The following NALCN variants were observed in gnomAD, a reference collection of about 807,000 sequenced individuals.
The protein encoded by NALCN is sodium leak channel, non-selective.
A neutral mutation model predicts 225.3 loss-of-function variants in NALCN; 111 were observed. The ratio of observed to expected loss-of-function variants is 0.49; its 90% CI spans 0.42 to 0.58. The LOEUF (loss-of-function observed/expected upper bound fraction) is 0.58. Ranked by LOEUF, NALCN falls within the 20% of genes least tolerant of loss-of-function variation. The pLI, the probability that NALCN is intolerant of heterozygous loss-of-function variation, is 0.00. For synonymous variants in NALCN, 764 were observed against 769.0 expected (o/e 0.99, Z 0.11); for missense variants, 1,378 against 2,202.4 (o/e 0.63, Z 7.49).
chr13:101,335,220 C>T (rs1218560643), intron 7 of NALCN, among the ~76,000 whole-genome samples: 1 of 152,170 alleles, frequency 6.6e-6, no homozygotes, highest in Non-Finnish European at 1.5e-5. Context: ...AGACAATGGA[C>T]AACCTTATTT....
chr13:101,385,655 C>A (rs1195563694), intron 3 of NALCN, among the ~76,000 whole-genome samples: 1 of 152,124 alleles, frequency 6.6e-6, no homozygotes, highest in Non-Finnish European at 1.5e-5. Context: ...ACCTTTTGGG[C>A]CCAATCTTGT....
chr13:101,368,565 G>A (rs965629030), intron 6 of NALCN: 3 of 152,146 alleles, frequency 2.0e-5, no homozygotes, highest in Non-Finnish European at 1.5e-5. Flanking sequence ...AACATTTTCT[G>A]TTTTATTTTG....
chr13:101,190,420 T>A (rs1408865083), intron 14 of NALCN, among the ~76,000 whole-genome samples: 1 of 152,198 alleles, frequency 6.6e-6, no homozygotes, highest in Admixed American at 6.5e-5. Context: ...TGGCACAGGC[T>A]TAAAGGTCCT....
chr13:101,258,137 G>C (rs899947068), intron 11 of NALCN, among the ~76,000 whole-genome samples: 7 of 152,028 alleles, frequency 4.6e-5, no homozygotes, highest in African/African-American at 2.4e-5. Context: ...ACTAATGTAC[G>C]CTGAGAAAGG....
chr13:101,147,858 C>A (rs1489930852), intron 15 of NALCN, among the ~76,000 whole-genome samples: 2 of 152,086 alleles, frequency 1.3e-5, no homozygotes, highest in Non-Finnish European at 2.9e-5. Context: ...TCTGTGCCTC[C>A]CCCACCTCTG....
At chr13:101,183,972 A>T (rs923186540) in intron 14 of NALCN, among the ~76,000 whole-genome samples, 1 of 152,178 alleles carries the variant, frequency 6.6e-6, no homozygotes, top group Non-Finnish European at 1.5e-5. Context: ...ACTATTTGGC[A>T]CTTTTAACAG....
intron 14 of NALCN, among the ~76,000 whole-genome samples, chr13:101,191,470 T>C (rs2039677149): frequency 6.6e-6 from 1 of 152,184 alleles, no homozygotes; most frequent in African/African-American, 2.4e-5. Flanking sequence ...ACTGTGCTGA[T>C]TTCTAATTAA....
intron 37 of NALCN, 102 bp from the exon 38 acceptor site, chr13:101,068,929 A>G (rs1163274359): frequency 8.0e-7 from 1 of 1,254,464 alleles, no homozygotes; most frequent in East Asian, 2.8e-5. Context: ...CATATAGCAT[A>G]TAATTAACTT....
intron 7 of NALCN, among the ~76,000 whole-genome samples, chr13:101,338,347 TG>T (rs1208956047): frequency 6.6e-6 from 1 of 152,192 alleles, no homozygotes; most frequent in Non-Finnish European, 1.5e-5. Flanking sequence ...TTTTTGAAAA[TG>T]GGCTTTTGTC....
chr13:101,118,211 C>T (rs2035805479), intron 18 of NALCN, among the ~76,000 whole-genome samples: 1 of 151,990 alleles, frequency 6.6e-6, no homozygotes, highest in South Asian at 2.1e-4. Flanking sequence ...TGTACCTTTG[C>T]TCCATTTTGC....
chr13:101,343,821 T>G (rs2045632827), intron 7 of NALCN, among the ~76,000 whole-genome samples: 1 of 152,176 alleles, frequency 6.6e-6, no homozygotes, highest in South Asian at 2.1e-4. Context: ...TGAAGAAAGA[T>G]GAATCAACTT....
intron 14 of NALCN, among the ~76,000 whole-genome samples, 154 bp downstream of exon 14, chr13:101,191,763 A>G (rs2039689871): frequency 6.6e-6 from 1 of 152,218 alleles, no homozygotes; most frequent in South Asian, 2.1e-4. Context: ...TGATGTGTAG[A>G]AACTTAGAAT....
intron 10 of NALCN, among the ~76,000 whole-genome samples, chr13:101,274,123 T>A (rs927670253): frequency 2.0e-5 from 3 of 152,114 alleles, no homozygotes; most frequent in Admixed American, 2.0e-4. Flanking sequence ...ATCTGCCATA[T>A]CTCAGAGAGT....
intron 14 of NALCN, among the ~76,000 whole-genome samples, chr13:101,187,860 G>A (rs1312524696): frequency 2.0e-5 from 3 of 152,274 alleles, no homozygotes; most frequent in Middle Eastern, 3.4e-3. Flanking sequence ...CATTTTAGAC[G>A]TTGAGGGTCA....
rs1481176404 is a variant in NALCN at position 101,328,005 on chromosome 13, C to A, written c.799+17261G>T. On this transcript the variant is annotated intron_variant, in intron 7 of 43. Coordinates refer to ENST00000251127, the MANE Select transcript of NALCN (RefSeq NM_052867.4). ...CACAGACCATGTCTAAACAAATGGG[C>A]AGGGAGTTGCGATAAAACTTTGTTT... 2.0e-5 allele frequency among the ~76,000 whole-genome samples: 3 copies of A among 152,072 alleles called. No individual in the cohort carries two copies. The East Asian group carries it at 5.8e-4, about 29-fold the overall frequency.
intron 28 of NALCN, among the ~76,000 whole-genome samples, chr13:101,093,708 A>G (rs2034354605): frequency 6.6e-6 from 1 of 152,200 alleles, no homozygotes. Flanking sequence ...TTCTCCAAAC[A>G]CTACCTTCAA....
chr13:101,367,631 A>C (rs1007948470), intron 6 of NALCN, among the ~76,000 whole-genome samples: 2 of 152,164 alleles, frequency 1.3e-5, no homozygotes, highest in Non-Finnish European at 2.9e-5. Context: ...AGTAAAAATC[A>C]ACTCTAATTG....
chr13:101,135,061 T>G lies in NALCN; in HGVS notation c.2118+8019A>C, dbSNP rs998100541. ...TACAAAAAAATTAGCCGGGCGTGGT[T>G]GCGGGCGCCTGTAGTCCCAGCTACT... On this transcript the variant is annotated intron_variant, in intron 17 of 43. Transcript: ENST00000251127. Among the ~76,000 whole-genome samples the G allele has an allele frequency of 1.2e-3, 187 of 151,850 alleles. 1 individual carries two copies. The highest frequency in any genetic ancestry group is 3.4e-3 in the Middle Eastern group (1 of 294).
chr13:101,228,973 T>G (rs1325912768), intron 13 of NALCN, among the ~76,000 whole-genome samples: 6 of 152,206 alleles, frequency 3.9e-5, no homozygotes, highest in African/African-American at 1.4e-4. Flanking sequence ...CCTATGAATT[T>G]TATTTTATTG....
Sources: allele counts gnomAD v4.1 joint callset (sites outside exome capture counted in the v4.1 genomes callset), GRCh38; gene constraint gnomAD v4.1.1; transcripts MANE v1.5; gene names NCBI Gene and HGNC (gene_info 2026-07-23, HGNC 2026-07-21).